The following FBXL20 variants were observed in gnomAD, a reference collection of about 807,000 sequenced individuals.
FBXL20 encodes F-box/LRR-repeat protein 20.
FBXL20 carries 11 observed loss-of-function variants against 64.0 expected under a neutral mutation model. The ratio of observed to expected loss-of-function variants is 0.17; its 90% confidence interval spans 0.11 to 0.28. The LOEUF is 0.28. FBXL20 is among the 10% of genes least tolerant of loss of function. The pLI is 1.00. For missense variants in FBXL20, 303 were observed against 526.2 expected (o/e 0.58, Z 4.15); for synonymous variants, 184 against 189.0 (o/e 0.97, Z 0.22).
In FBXL20 at chr17:39,277,293, G is replaced by A. The variant is rs559667635; in HGVS notation, c.697-2193C>T. On this transcript the variant is annotated intron_variant, in intron 9 of 14. Coordinates refer to ENST00000264658, the MANE Select transcript of FBXL20 (RefSeq NM_032875.3). ...GTATTGTCTTTAGACTATGATAGCC[G>A]AGATGTAAAGAGGGAAGTAAGAATC... is the stretch of plus-strand genomic sequence containing the variant. Among the ~76,000 whole-genome samples, 24 of 152,298 alleles carry A rather than the reference G, an allele frequency of 1.6e-4. No homozygotes were observed. The South Asian group carries it at 4.1e-3, about 26-fold the overall frequency.
At chr17:39,334,044 G>C (rs947517024) in intron 2 of FBXL20, among the ~76,000 whole-genome samples, 1 of 152,188 alleles carries the variant, frequency 6.6e-6, no homozygotes, top group African/African-American at 2.4e-5. Flanking sequence ...GGAAATGTGG[G>C]GAAAAGAAAG....
At chr17:39,373,738 G>A in intron 1 of FBXL20, among the ~76,000 whole-genome samples, 1 of 152,144 alleles carries the variant, frequency 6.6e-6, no homozygotes, top group Non-Finnish European at 1.5e-5. Flanking sequence ...CTAGGCTGTA[G>A]TTTCCGGAAA....
chr17:39,315,153 G>C (rs562026476), intron 2 of FBXL20, among the ~76,000 whole-genome samples: 1 of 151,920 alleles, frequency 6.6e-6, no homozygotes, highest in Admixed American at 6.6e-5. Flanking sequence ...GGCTGGTCTC[G>C]AATTCCTGAC....
chr17:39,266,386 A>G (rs563098884), intron 12 of FBXL20, among the ~76,000 whole-genome samples: 13 of 152,142 alleles, frequency 8.5e-5, no homozygotes, highest in African/African-American at 3.1e-4. Flanking sequence ...CGTCCAGCTA[A>G]TTTTTGAATT....
chr17:39,377,644 G>A (rs1351105679), intron 1 of FBXL20, among the ~76,000 whole-genome samples: 1 of 151,990 alleles, frequency 6.6e-6, no homozygotes, highest in African/African-American at 2.4e-5. Context: ...GGGACTACAG[G>A]CGCCCACTAC....
At chr17:39,366,633 G>T (rs1453962689) in intron 1 of FBXL20, among the ~76,000 whole-genome samples, 1 of 152,168 alleles carries the variant, frequency 6.6e-6, no homozygotes, top group Admixed American at 6.5e-5. Context: ...ACTCACATCT[G>T]ATTGATAATT....
At chr17:39,317,241 T>TC (rs1329136556) in intron 2 of FBXL20, among the ~76,000 whole-genome samples, 1 of 151,756 alleles carries the variant, frequency 6.6e-6, no homozygotes, top group Non-Finnish European at 1.5e-5. Flanking sequence ...TGCTTTTCTT[T>TC]CCCCCCATGA....
chr17:39,283,442 CTT>C (rs569942217), intron 7 of FBXL20, among the ~76,000 whole-genome samples: 1 of 146,566 alleles, frequency 6.8e-6, no homozygotes, highest in African/African-American at 2.5e-5. Context: ...TCTTTTCTTT[CTT>C]TTTTTTTTTG....
At position 39,264,370 on chromosome 17, in the gene FBXL20, C is replaced by T. The variant is rs776678508; in HGVS notation, c.1008G>A (p.Glu336=). 1.2e-6 allele frequency: 2 copies of T among 1,613,420 alleles called. No individual in the cohort carries two copies. Among genetic ancestry groups the T allele is most frequent in the South Asian group, 2.2e-5 (2 of 91,050 alleles). The change falls in exon 14 of 15, where the codon GAG becomes GAA. Residue 336 remains glutamate (E), a synonymous_variant. Transcript: ENST00000264658. The part of the protein sequence containing the change: ...RLQVLSLSHC[E]LITDDGIRHL... ...GACGAATTCCATCATCTGTGATCAG[C>T]TCACAGTGAGACAGACTCTGCAGCC... is the stretch of plus-strand genomic sequence containing the variant.
intron 1 of FBXL20, among the ~76,000 whole-genome samples, chr17:39,393,808 T>C (rs1218214537): frequency 1.3e-5 from 2 of 152,188 alleles, no homozygotes; most frequent in Admixed American, 1.3e-4. Flanking sequence ...GAGAAAGTCT[T>C]CAAAAGCTAA....
At chr17:39,365,242 C>T (rs1275420680) in intron 1 of FBXL20, among the ~76,000 whole-genome samples, 2 of 152,096 alleles carry the variant, frequency 1.3e-5, no homozygotes, top group African/African-American at 4.8e-5. Flanking sequence ...TTCATTCAAC[C>T]AACACCAGAT....
At chr17:39,401,299 G>C (rs2048240639) in intron 1 of FBXL20, 62 bp downstream of exon 1, 2 of 1,611,062 alleles carry the variant, frequency 1.2e-6, no homozygotes, top group Non-Finnish European at 1.7e-6. Context: ...CGGAGCGGAC[G>C]TTTTGGGATT....
chr17:39,374,309 G>A (rs1042120762), intron 1 of FBXL20, among the ~76,000 whole-genome samples: 4 of 151,702 alleles, frequency 2.6e-5, no homozygotes, highest in Non-Finnish European at 4.4e-5. Flanking sequence ...TGGTTGGATC[G>A]CTTGAGGTTG....
intron 11 of FBXL20, among the ~76,000 whole-genome samples, chr17:39,269,334 C>G (rs8079662): frequency 0.62 from 93,455 of 151,252 alleles, 32,021 homozygotes; most frequent in South Asian, 0.89. Flanking sequence ...GCTGGGACTA[C>G]AGGCGCCCGC....
intron 1 of FBXL20, among the ~76,000 whole-genome samples, chr17:39,374,911 C>T (rs550575427): frequency 2.5e-4 from 38 of 152,216 alleles, no homozygotes; most frequent in Admixed American, 3.3e-4. Flanking sequence ...CTCAGCCTCC[C>T]GAGCAGCCGG....
chr17:39,396,320 G>A (rs1171915224), intron 1 of FBXL20, among the ~76,000 whole-genome samples: 1 of 152,174 alleles, frequency 6.6e-6, no homozygotes, highest in African/African-American at 2.4e-5. Context: ...ACCAGGCCGG[G>A]TGTCGTGGCT....
intron 4 of FBXL20, among the ~76,000 whole-genome samples, chr17:39,299,845 C>A (rs1278728553): frequency 6.6e-6 from 1 of 151,828 alleles, no homozygotes; most frequent in African/African-American, 2.4e-5. Flanking sequence ...CGCCTATAAT[C>A]CCAGCACTTT....
At chr17:39,312,588 T>A (rs2047244853) in intron 2 of FBXL20, among the ~76,000 whole-genome samples, 1 of 120,412 alleles carries the variant, frequency 8.3e-6, no homozygotes, top group Admixed American at 8.3e-5. Context: ...TTTTTTTTTT[T>A]TTTGAGATGG....
At chr17:39,378,377 G>A (rs1385921222) in intron 1 of FBXL20, among the ~76,000 whole-genome samples, 1 of 152,116 alleles carries the variant, frequency 6.6e-6, no homozygotes, top group Non-Finnish European at 1.5e-5. Context: ...GAGAGGCGTA[G>A]GCAGGAAGAT....
Sources: allele counts gnomAD v4.1 joint callset (sites outside exome capture counted in the v4.1 genomes callset), GRCh38; gene constraint gnomAD v4.1.1; transcripts MANE v1.5; gene names NCBI Gene and HGNC (gene_info 2026-07-23, HGNC 2026-07-21).